Variants in CHL1 observed in about 807,000 individuals in gnomAD.
The protein encoded by CHL1 is cell adhesion molecule L1 like, also known as neural cell adhesion molecule L1-like protein.
CHL1 carries 96 observed loss-of-function variants against 141.9 expected under a neutral mutation model. The ratio of observed to expected loss-of-function variants is 0.68; its 90% CI spans 0.57 to 0.80. The LOEUF (loss-of-function observed/expected upper bound fraction) is 0.80. Among genes scored for constraint, CHL1 ranks in the 30% least tolerant of loss-of-function variants. The pLI is 0.00. For synonymous variants in CHL1, 613 were observed against 502.2 expected (o/e 1.22, Z -2.95); for missense variants, 1,820 against 1,457.2 (o/e 1.25, Z -4.05).
intron 2 of CHL1, among the ~76,000 whole-genome samples, chr3:260,051 G>C (rs923929450): frequency 6.6e-6 from 1 of 152,134 alleles, no homozygotes; most frequent in Non-Finnish European, 1.5e-5. Context: ...TATCACTCCA[G>C]ATCAGGAGTT....
rs1704611753 is a variant in CHL1, at chr3:364,426, A to T, written c.1585+1043A>T. Among the ~76,000 whole-genome samples, 3 of 152,214 alleles carry T rather than the reference A, an allele frequency of 2.0e-5. 1 individual carries two copies. The South Asian group carries it at 6.2e-4, about 32-fold the overall frequency. On this transcript the variant is annotated intron_variant, in intron 14 of 27. Coordinates refer to ENST00000256509, the MANE Select transcript of CHL1 (RefSeq NM_006614.4). ...CAAAAAGTAAACCTATATCAAGGTT[A>T]AGCAACTCAGCTAGGTGTAAGGAGC...
Position 409,230 on chromosome 3 carries a change from G to A in CHL1, c.*3519G>A, listed in dbSNP as rs1401391587. ...CATCAAAAGAGATGAAAGGTATGTAGAACAGGTTCACGTGATTACCTTTTT... is the reference window on the plus strand; with the variant it reads ...CATCAAAAGAGATGAAAGGTATGTAAAACAGGTTCACGTGATTACCTTTTT... On this transcript the variant is annotated 3_prime_UTR_variant, in exon 28 of 28. Coordinates refer to ENST00000256509, the MANE Select transcript of CHL1 (RefSeq NM_006614.4). 6.6e-6 allele frequency: 1 copy of A among 152,070 alleles called. No individual in the cohort carries two copies. The highest frequency in any genetic ancestry group is 1.5e-5 in the Non-Finnish European group (1 of 67,974). 9.4% of individuals were successfully genotyped at this position (152,070 alleles called of 1,614,324 possible).
At chr3:223,106 G>A (rs1221547298) in intron 1 of CHL1, among the ~76,000 whole-genome samples, 4 of 152,082 alleles carry the variant, frequency 2.6e-5, no homozygotes, top group African/African-American at 7.2e-5. Flanking sequence ...CCAATGTAAG[G>A]TAATATTCTC....
At chr3:248,057 G>A (rs989761463) in intron 2 of CHL1, 1 of 151,850 alleles carries the variant, frequency 6.6e-6, no homozygotes, top group African/African-American at 2.4e-5. Context: ...CCCACTCTGG[G>A]GACATTCAGA....
At chr3:264,948 A>T (rs1446729071) in intron 2 of CHL1, among the ~76,000 whole-genome samples, 2 of 152,228 alleles carry the variant, frequency 1.3e-5, no homozygotes, top group East Asian at 3.8e-4. Context: ...GGAGAGCCAC[A>T]GCCCTCTGAA....
At chr3:257,353 C>CT (rs35247275) in intron 2 of CHL1, among the ~76,000 whole-genome samples, 13,871 of 137,110 alleles carry the variant, frequency 0.1, 1,048 homozygotes, top group African/African-American at 0.21. Flanking sequence ...TTTTCTTCTT[C>CT]TTTTTTTTTT....
In CHL1 at chr3:406,158, A is replaced by G. The variant is rs1709519531; in HGVS notation, c.*447A>G. On this transcript the variant is annotated 3_prime_UTR_variant, in exon 28 of 28. Coordinates refer to ENST00000256509, the MANE Select transcript of CHL1 (RefSeq NM_006614.4). Reference sequence around the variant, plus strand: ...TTAAAAGACCATAAGCAAACTGGTTATTTAAAATGTAAAAAGGAATATGAA... The same window carrying G: ...TTAAAAGACCATAAGCAAACTGGTTGTTTAAAATGTAAAAAGGAATATGAA... 1 of 153,796 alleles carries G rather than the reference A, an allele frequency of 6.5e-6. No individual in the cohort carries two copies. The highest frequency in any genetic ancestry group is 1.9e-4 in the East Asian group (1 of 5,238). The allele number at this position is 153,796 out of a possible 1,614,324, so 9.5% of individuals were successfully genotyped here. A position where few individuals can be genotyped will look rare whatever the true frequency, so the allele number is the denominator to read the frequency against.
chr3:317,982 T>C (rs1335235989), intron 2 of CHL1, among the ~76,000 whole-genome samples: 1 of 151,940 alleles, frequency 6.6e-6, no homozygotes, highest in African/African-American at 2.4e-5. Flanking sequence ...TTCTGAAGCA[T>C]ACATGAGTCA....
chr3:342,193 C>CAAAAT, intron 7 of CHL1, 111 bp downstream of exon 7: 1 of 894,588 alleles, frequency 1.1e-6, no homozygotes, highest in Non-Finnish European at 1.7e-6. Context: ...CACCATTGTG[C>CAAAAT]AGTTCAACTC....
chr3:212,708 CG>C (rs1229447062), intron 1 of CHL1, among the ~76,000 whole-genome samples: 1 of 152,144 alleles, frequency 6.6e-6, no homozygotes, highest in Non-Finnish European at 1.5e-5. Context: ...TTCCCCTCTC[CG>C]TCCCTGTATC....
chr3:242,366 G>GCA (rs1559324754), intron 1 of CHL1, among the ~76,000 whole-genome samples: 15 of 145,934 alleles, frequency 1.0e-4, no homozygotes, highest in Non-Finnish European at 1.8e-4. Flanking sequence ...GGAGGCTGAG[G>GCA]GGGGCAGATC....
At chr3:238,425 A>G (rs1162722461) in intron 1 of CHL1, among the ~76,000 whole-genome samples, 1 of 107,756 alleles carries the variant, frequency 9.3e-6, no homozygotes, top group Non-Finnish European at 2.4e-5. Flanking sequence ...AGGAAAAAAA[A>G]TAAAAAAAAT....
intron 1 of CHL1, among the ~76,000 whole-genome samples, chr3:207,228 G>A (rs1365102916): frequency 6.6e-6 from 1 of 152,164 alleles, no homozygotes; most frequent in Non-Finnish European, 1.5e-5. Flanking sequence ...GATGCTGAGT[G>A]GCTCCAAAAG....
chr3:221,653 T>C (rs1015893988), intron 1 of CHL1, among the ~76,000 whole-genome samples: 1 of 152,262 alleles, frequency 6.6e-6, no homozygotes, highest in African/African-American at 2.4e-5. Context: ...TTCAAGGACT[T>C]ATGCATCAAC....
chr3:283,176 G>A (rs1309799996), intron 2 of CHL1, among the ~76,000 whole-genome samples: 1 of 152,174 alleles, frequency 6.6e-6, no homozygotes, highest in East Asian at 1.9e-4. Context: ...GCTTTATGCA[G>A]TACATAAATA....
At chr3:357,578 C>A (rs1703831312) in intron 11 of CHL1, among the ~76,000 whole-genome samples, 1 of 152,134 alleles carries the variant, frequency 6.6e-6, no homozygotes, top group Admixed American at 6.6e-5. Context: ...GAAGTTTCGT[C>A]CATTTTATTG....
At chr3:348,058 G>T (rs1702917507) in intron 9 of CHL1, among the ~76,000 whole-genome samples, 2 of 152,092 alleles carry the variant, frequency 1.3e-5, no homozygotes, top group African/African-American at 4.8e-5. Flanking sequence ...TCAAGGAATT[G>T]CTCAATTATT....
intron 19 of CHL1, among the ~76,000 whole-genome samples, chr3:388,673 G>A (rs1192368892): frequency 2.0e-5 from 3 of 150,128 alleles, no homozygotes; most frequent in African/African-American, 7.3e-5. Flanking sequence ...TCAAGGAGCT[G>A]GGAAATTATA....
chr3:294,345 A>C (rs11717061), intron 2 of CHL1, among the ~76,000 whole-genome samples: 41,467 of 151,996 alleles, frequency 0.27, 5,863 homozygotes, highest in Middle Eastern at 0.41. Context: ...GTACATACCT[A>C]CATACGTACT....
Sources: gnomAD v4.1 joint callset for allele counts (sites outside exome capture counted in the v4.1 genomes callset) on GRCh38, gnomAD v4.1.1 for gene constraint, MANE v1.5 for transcripts, NCBI Gene and HGNC (gene_info 2026-07-23, HGNC 2026-07-21) for gene names.